Variants in ADK observed in about 807,000 individuals in gnomAD.
ADK encodes N6,N6-dimethyladenosine kinase.
Under a neutral mutation model 44.7 loss-of-function variants are expected in ADK, and 24 were observed. The observed-to-expected ratio is 0.54, with a 90% confidence interval of 0.39 to 0.76. ADK has a LOEUF of 0.76. Among genes scored for constraint, ADK ranks in the 30% least tolerant of loss-of-function variants. ADK has a pLI of 0.00. For synonymous variants in ADK, 128 were observed against 142.6 expected (o/e 0.90, Z 0.73); for missense variants, 321 against 425.1 (o/e 0.76, Z 2.15).
At chr10:74,209,120 A>G (rs1843712180) in intron 2 of ADK, among the ~76,000 whole-genome samples, 1 of 152,228 alleles carries the variant, frequency 6.6e-6, no homozygotes, top group Non-Finnish European at 1.5e-5. Flanking sequence ...GTGTAGCAGT[A>G]TAAGAAGTGT....
intron 7 of ADK, among the ~76,000 whole-genome samples, chr10:74,533,643 C>T (rs1849364710): frequency 6.6e-6 from 1 of 152,152 alleles, no homozygotes; most frequent in Admixed American, 6.5e-5. Flanking sequence ...AAAGTGTGAC[C>T]ATACCAAATA....
chr10:74,256,742 G>T, intron 3 of ADK, among the ~76,000 whole-genome samples: 1 of 152,146 alleles, frequency 6.6e-6, no homozygotes, highest in African/African-American at 2.4e-5. Flanking sequence ...GTGTAAGCAA[G>T]AAAATGACCT....
chr10:74,348,958 A>G (rs1455374197), intron 4 of ADK, among the ~76,000 whole-genome samples: 1 of 152,122 alleles, frequency 6.6e-6, no homozygotes, highest in South Asian at 2.1e-4. Context: ...TGAAAGTGAC[A>G]GGGAGAATGG....
In ADK at chr10:74,360,214, T is replaced by A. The variant is rs12412109; in HGVS notation, c.274-33927T>A. ...TGTTTGAAGTTAAACACTGATGTTC[T>A]TACATTTCTTATAAGAACATTTTAT... On this transcript the variant is annotated intron_variant, in intron 4 of 10. Coordinates refer to ENST00000539909, the MANE Select transcript of ADK (RefSeq NM_006721.4). 3.0e-3 allele frequency among the ~76,000 whole-genome samples: 462 copies of A among 152,280 alleles called. 6 individuals carry two copies. The highest frequency in any genetic ancestry group is 0.018 in the East Asian group (93 of 5,188).
intron 7 of ADK, among the ~76,000 whole-genome samples, chr10:74,583,752 A>G (rs1230489307): frequency 1.3e-5 from 2 of 152,206 alleles, no homozygotes. Flanking sequence ...AACCTCATGT[A>G]TAAAATGTGG....
At chr10:74,451,841 TG>T (rs1182152329) in intron 6 of ADK, among the ~76,000 whole-genome samples, 1 of 152,118 alleles carries the variant, frequency 6.6e-6, no homozygotes, top group Non-Finnish European at 1.5e-5. Context: ...TTGTATTTTT[TG>T]ATAGAATAGT....
intron 6 of ADK, among the ~76,000 whole-genome samples, chr10:74,443,557 G>A (rs1261002303): frequency 1.3e-5 from 2 of 152,106 alleles, no homozygotes; most frequent in African/African-American, 4.8e-5. Context: ...GTGGGACAAT[G>A]CTACACTCCT....
At chr10:74,264,510 G>A (rs1015127168) in intron 3 of ADK, among the ~76,000 whole-genome samples, 11 of 151,982 alleles carry the variant, frequency 7.2e-5, no homozygotes, top group Non-Finnish European at 1.3e-4. Context: ...TGATTTGCAT[G>A]AGTTTTTTTT....
At chr10:74,440,667 T>G (rs1007741898) in intron 6 of ADK, among the ~76,000 whole-genome samples, 5 of 152,110 alleles carry the variant, frequency 3.3e-5, no homozygotes, top group Admixed American at 6.5e-5. Context: ...TCTGGCCTAG[T>G]CAAAGGCACA....
intron 3 of ADK, 57 bp downstream of exon 3, chr10:74,224,648 A>G: frequency 7.4e-7 from 1 of 1,355,230 alleles, no homozygotes; most frequent in South Asian, 1.2e-5. Flanking sequence ...AACTTGATAT[A>G]TGTATATGTA....
chr10:74,594,477 TA>T (rs1564809751), intron 8 of ADK, among the ~76,000 whole-genome samples: 1 of 151,942 alleles, frequency 6.6e-6, no homozygotes, highest in East Asian at 1.9e-4. Context: ...GGATAGAACA[TA>T]TTTTTTTAAA....
chr10:74,384,625 C>G (rs561312126), intron 4 of ADK, among the ~76,000 whole-genome samples: 1 of 152,014 alleles, frequency 6.6e-6, no homozygotes, highest in Non-Finnish European at 1.5e-5. Flanking sequence ...GAGTCAAGAT[C>G]GCACCACTGC....
chr10:74,555,927 C>G (rs1288017857), intron 7 of ADK, among the ~76,000 whole-genome samples: 1 of 152,136 alleles, frequency 6.6e-6, no homozygotes, highest in African/African-American at 2.4e-5. Flanking sequence ...ATCTGAGACG[C>G]CATTCATTCT....
chr10:74,450,746 C>G (rs976133893), intron 6 of ADK, among the ~76,000 whole-genome samples: 1 of 152,084 alleles, frequency 6.6e-6, no homozygotes. Flanking sequence ...TTCTGTAGAG[C>G]AAGGCATATT....
At position 74,546,475 on chromosome 10, in the gene ADK, C is replaced by G. The variant is rs535388435; in HGVS notation, c.726+21049C>G. Among the ~76,000 whole-genome samples, 200 of 151,996 alleles carry G rather than the reference C, an allele frequency of 1.3e-3. 1 individual carries two copies. The highest frequency in any genetic ancestry group is 2.6e-3 in the Non-Finnish European group (175 of 67,946). On this transcript the variant is annotated intron_variant, in intron 7 of 10. Coordinates refer to ENST00000539909, the MANE Select transcript of ADK (RefSeq NM_006721.4). ...TCATTTCTTTTTATTTTATTTTAAA[C>G]AATGAGAAAAATACTCCACGATGTC...
chr10:74,210,604 C>T (rs1355577813), intron 2 of ADK, among the ~76,000 whole-genome samples: 1 of 152,022 alleles, frequency 6.6e-6, no homozygotes, highest in East Asian at 1.9e-4. Flanking sequence ...CACTGCACTC[C>T]ATCCTAGGCA....
intron 7 of ADK, among the ~76,000 whole-genome samples, chr10:74,579,470 A>T (rs891005609): frequency 4.6e-5 from 7 of 152,174 alleles, no homozygotes; most frequent in African/African-American, 1.7e-4. Context: ...CAAACAATGC[A>T]AAAACCAGAC....
chr10:74,300,258 G>GTTTC (rs1407157327), intron 3 of ADK, among the ~76,000 whole-genome samples: 7 of 42,218 alleles, frequency 1.7e-4, no homozygotes, highest in African/African-American at 4.3e-4. Flanking sequence ...CTCTCTCCTT[G>GTTTC]TTTCCTTCCT....
intron 4 of ADK, among the ~76,000 whole-genome samples, chr10:74,361,287 C>T (rs1842328701): frequency 1.3e-5 from 2 of 152,098 alleles, no homozygotes; most frequent in African/African-American, 4.8e-5. Context: ...TATTTTGTTA[C>T]TTGTTTTCTA....
Sources: allele counts gnomAD v4.1 joint callset (sites outside exome capture counted in the v4.1 genomes callset), GRCh38; gene constraint gnomAD v4.1.1; transcripts MANE v1.5; gene names NCBI Gene and HGNC (gene_info 2026-07-23, HGNC 2026-07-21).